Variants in RHOA observed in about 807,000 individuals in gnomAD.
RHOA encodes transforming protein RhoA.
RHOA carries 3 observed loss-of-function variants against 17.5 expected under a neutral mutation model. That is an observed-to-expected ratio of 0.17 (90% CI 0.08 to 0.44). RHOA has a LOEUF of 0.44. Ranked by LOEUF, RHOA falls within the 20% of genes least tolerant of loss-of-function variation. The pLI is 0.99. For missense variants in RHOA, 56 were observed against 242.3 expected (o/e 0.23, Z 5.10); for synonymous variants, 98 against 88.4 (o/e 1.11, Z -0.61).
intron 1 of RHOA, among the ~76,000 whole-genome samples, chr3:49,377,978 G>A (rs2048259213): frequency 6.6e-6 from 1 of 151,486 alleles, no homozygotes; most frequent in South Asian, 2.1e-4. Context: ...GCAAAACCCC[G>A]TTTCTACAAA....
intron 1 of RHOA, among the ~76,000 whole-genome samples, chr3:49,384,359 T>C (rs2048364329): frequency 6.6e-6 from 1 of 152,198 alleles, no homozygotes. Flanking sequence ...GAAATCACGC[T>C]TAGCTCTCCC....
Position 49,365,393 on chromosome 3 carries a change from T to C in RHOA, c.278-2767A>G, listed in dbSNP as rs570195571. Among the ~76,000 whole-genome samples the C allele has an allele frequency of 3.9e-3, 590 of 151,984 alleles. 3 individuals are homozygous for C. The highest frequency in any genetic ancestry group is 0.011 in the African/African-American group (454 of 41,488). ...CTCCTGACCTCAGGATCCACCCACC[T>C]TGGCCTCCCAAAGTGGTGGGATTAC... On this transcript the variant is annotated intron_variant, in intron 3 of 4. Transcript: ENST00000418115.
intron 1 of RHOA, among the ~76,000 whole-genome samples, chr3:49,404,842 G>A (rs1287771992): frequency 6.6e-6 from 1 of 151,648 alleles, no homozygotes; most frequent in Admixed American, 6.6e-5. Flanking sequence ...GGGAGGCTAA[G>A]GCAGGAGAAC....
chr3:49,372,754 G>C (rs1253643032), intron 2 of RHOA, among the ~76,000 whole-genome samples: 1 of 124,508 alleles, frequency 8.0e-6, no homozygotes, highest in South Asian at 2.8e-4. Flanking sequence ...AAAAAAAAAA[G>C]GACTACAAAC....
intron 1 of RHOA, among the ~76,000 whole-genome samples, chr3:49,409,670 C>T (rs987025648): frequency 6.6e-6 from 1 of 152,248 alleles, no homozygotes; most frequent in East Asian, 1.9e-4. Context: ...ACAAGAAACA[C>T]CTGAAGAGCT....
intron 2 of RHOA, among the ~76,000 whole-genome samples, 159 bp from the exon 3 acceptor site, chr3:49,368,707 C>CTTTT (rs374609508): frequency 7.7e-6 from 1 of 130,340 alleles, no homozygotes; most frequent in Non-Finnish European, 1.6e-5. Flanking sequence ...TTTCTTTTTT[C>CTTTT]TTTTTTTTTT....
At chr3:49,392,939 G>A (rs1340407178) in intron 1 of RHOA, among the ~76,000 whole-genome samples, 4 of 152,120 alleles carry the variant, frequency 2.6e-5, no homozygotes, top group East Asian at 1.9e-4. Context: ...CACTTTGGGA[G>A]GTCAAGGGGG....
intron 3 of RHOA, among the ~76,000 whole-genome samples, chr3:49,364,194 A>G (rs574714561): frequency 1.3e-5 from 2 of 152,188 alleles, no homozygotes; most frequent in African/African-American, 4.8e-5. Context: ...TATTAAAAAT[A>G]CAAAAAGATT....
intron 1 of RHOA, among the ~76,000 whole-genome samples, chr3:49,399,337 T>C (rs1360736459): frequency 6.6e-6 from 1 of 150,796 alleles, no homozygotes; most frequent in Admixed American, 6.6e-5. Flanking sequence ...ACCACTGCAC[T>C]GCAGCCTGGG....
At chr3:49,390,768 AG>A (rs1553634631) in intron 1 of RHOA, among the ~76,000 whole-genome samples, 1 of 152,162 alleles carries the variant, frequency 6.6e-6, no homozygotes, top group Non-Finnish European at 1.5e-5. Flanking sequence ...AAAAGGTAAA[AG>A]GCGTCATGGA....
intron 1 of RHOA, among the ~76,000 whole-genome samples, chr3:49,379,387 G>C (rs1461384000): frequency 6.6e-6 from 1 of 152,106 alleles, no homozygotes; most frequent in Non-Finnish European, 1.5e-5. Context: ...GGGGTGGAGA[G>C]AAATGGAAAA....
chr3:49,388,712 A>C (rs2107873988), intron 1 of RHOA, among the ~76,000 whole-genome samples: 2 of 152,324 alleles, frequency 1.3e-5, no homozygotes, highest in East Asian at 3.8e-4. Flanking sequence ...GGGCCAGCCC[A>C]CTAATAACTA....
intron 1 of RHOA, among the ~76,000 whole-genome samples, chr3:49,380,040 C>T (rs1273964327): frequency 1.3e-5 from 2 of 152,180 alleles, no homozygotes; most frequent in Non-Finnish European, 2.9e-5. Context: ...GTAGACTACA[C>T]TTCCTAGCTT....
intron 1 of RHOA, among the ~76,000 whole-genome samples, chr3:49,387,449 A>AAG (rs60175981): frequency 1.6e-4 from 2 of 12,484 alleles, no homozygotes; most frequent in Non-Finnish European, 5.3e-4. Context: ...ATCTCGGGGG[A>AAG]AAAAAAAAAA....
chr3:49,402,907 G>T lies in RHOA; in HGVS notation c.-3+8913C>A, dbSNP rs544390896. ...AAAAAATTAGCCGGGCGTGGTGGCGGGTGCCTGTAGTTCCAGCTACTCGGG... is the reference window on the plus strand; with the variant it reads ...AAAAAATTAGCCGGGCGTGGTGGCGTGTGCCTGTAGTTCCAGCTACTCGGG... On this transcript the variant is annotated intron_variant, in intron 1 of 4. Transcript: ENST00000418115. Among the ~76,000 whole-genome samples, 3 of 151,838 alleles carry T rather than the reference G, an allele frequency of 2.0e-5. No homozygotes were observed. In the South Asian group the frequency reaches 6.3e-4, roughly 32 times the overall value.
At chr3:49,387,164 G>A (rs1031075052) in intron 1 of RHOA, among the ~76,000 whole-genome samples, 2 of 122,716 alleles carry the variant, frequency 1.6e-5, no homozygotes, top group Non-Finnish European at 3.3e-5. Flanking sequence ...AAAAAAACAG[G>A]CCGGGCGTGG....
intron 3 of RHOA, among the ~76,000 whole-genome samples, chr3:49,366,360 T>C (rs576637621): frequency 2.2e-4 from 33 of 152,144 alleles, no homozygotes; most frequent in Non-Finnish European, 4.6e-4. Context: ...CCCAGCACTT[T>C]GGGAGGCCAA....
chr3:49,364,322 C>T (rs1195032558), intron 3 of RHOA, among the ~76,000 whole-genome samples: 1 of 151,958 alleles, frequency 6.6e-6, no homozygotes, highest in East Asian at 1.9e-4. Context: ...CCCGTCTCTA[C>T]TAAAAATACA....
intron 2 of RHOA, among the ~76,000 whole-genome samples, chr3:49,372,733 CAA>C (rs11460016): frequency 1.4e-4 from 12 of 83,094 alleles, no homozygotes; most frequent in African/African-American, 2.6e-4. Context: ...GACTCTGTCT[CAA>C]AAAAAAAAAA....
Sources: gnomAD v4.1 joint callset for allele counts (sites outside exome capture counted in the v4.1 genomes callset) on GRCh38, gnomAD v4.1.1 for gene constraint, MANE v1.5 for transcripts, NCBI Gene and HGNC (gene_info 2026-07-23, HGNC 2026-07-21) for gene names.